Variants in ATG10 observed in about 807,000 individuals in gnomAD.
The protein encoded by ATG10 is autophagy related 10, also known as ubiquitin-like-conjugating enzyme ATG10.
Under a neutral mutation model 32.1 loss-of-function variants are expected in ATG10, and 30 were observed. The ratio of observed to expected loss-of-function variants is 0.94; its 90% CI spans 0.70 to 1.27. The LOEUF (loss-of-function observed/expected upper bound fraction) is 1.27, where lower values mean the gene tolerates loss of function less well. ATG10 is among the 50% of genes most tolerant of loss of function. ATG10 has a pLI of 0.00. For synonymous variants in ATG10, 87 were observed against 91.5 expected (o/e 0.95, Z 0.28); for missense variants, 233 against 262.3 (o/e 0.89, Z 0.77).
At chr5:82,043,459 A>G (rs1763145933) in intron 2 of ATG10, among the ~76,000 whole-genome samples, 2 of 152,222 alleles carry the variant, frequency 1.3e-5, no homozygotes, top group South Asian at 4.1e-4. Context: ...GGTTATTAAC[A>G]TTCAGCTTCT....
At chr5:82,193,747 A>G (rs1387137247) in intron 5 of ATG10, among the ~76,000 whole-genome samples, 1 of 152,272 alleles carries the variant, frequency 6.6e-6, no homozygotes, top group Admixed American at 6.5e-5. Context: ...ATTGGTAGAA[A>G]TAAACAGCAA....
chr5:82,205,008 A>C (rs556688801), intron 5 of ATG10, among the ~76,000 whole-genome samples: 1 of 152,370 alleles, frequency 6.6e-6, no homozygotes, highest in South Asian at 2.1e-4. Flanking sequence ...CATTTAAAAG[A>C]ACAGAAGACT....
chr5:81,973,904 T>C (rs1368932463), intron 1 of ATG10, among the ~76,000 whole-genome samples: 4 of 152,222 alleles, frequency 2.6e-5, no homozygotes, highest in Admixed American at 2.6e-4. Context: ...CATTTGAATG[T>C]GGAGTGTTAA....
intron 3 of ATG10, among the ~76,000 whole-genome samples, chr5:82,137,041 C>A (rs1766787234): frequency 6.6e-6 from 1 of 152,056 alleles, no homozygotes; most frequent in South Asian, 2.1e-4. Context: ...AGTTCTCATG[C>A]TGTGTTTTTC....
intron 5 of ATG10, among the ~76,000 whole-genome samples, chr5:82,241,209 C>T (rs1206968574): frequency 6.6e-6 from 1 of 152,188 alleles, no homozygotes; most frequent in Non-Finnish European, 1.5e-5. Context: ...TTTAGCAAAT[C>T]TTGTTGGCTC....
chr5:82,155,360 GTGC>G (rs1767761349), intron 3 of ATG10, among the ~76,000 whole-genome samples: 1 of 152,144 alleles, frequency 6.6e-6, no homozygotes, highest in African/African-American at 2.4e-5. Flanking sequence ...ATTCTGTTTA[GTGC>G]TTGTAAAAAT....
intron 3 of ATG10, among the ~76,000 whole-genome samples, chr5:82,127,454 T>C (rs1485444003): frequency 2.0e-5 from 3 of 152,088 alleles, no homozygotes; most frequent in South Asian, 2.1e-4. Context: ...ACTGCTTTAG[T>C]TGTGTCCCAG....
rs182343513 is a variant in ATG10 at position 82,103,838 on chromosome 5, A to G, written c.216+45236A>G. Among the ~76,000 whole-genome samples, 10 of 152,190 alleles carry G rather than the reference A, an allele frequency of 6.6e-5. No homozygotes were observed. The East Asian group carries it at 1.9e-3, about 29-fold the overall frequency. ...GATGAAGAAACAGGACTTTACCAGC[A>G]CTCAGGACTCTCTCTTGACATTTTC... On this transcript the variant is annotated intron_variant, in intron 3 of 7. Transcript: ENST00000282185.
rs1747442907 is a variant in ATG10, at chr5:82,255,883, A to G, written c.*1820A>G. On this transcript the variant is annotated 3_prime_UTR_variant, in exon 8 of 8. Transcript: ENST00000282185. The stretch of plus-strand genomic sequence containing the variant: ...GAACTCTCACAGAGAAAGTGGAAGT[A>G]GAGAAAGGGTTAATTCAAACTGCTA... 6.6e-6 allele frequency: 1 copy of G among 152,256 alleles called. No homozygotes were observed. The highest frequency in any genetic ancestry group is 2.4e-5 in the African/African-American group (1 of 41,466). The allele number at this position is 152,256 out of a possible 1,614,324, so 9.4% of individuals were successfully genotyped here.
At chr5:82,163,094 A>G (rs1743431109) in intron 3 of ATG10, among the ~76,000 whole-genome samples, 1 of 152,196 alleles carries the variant, frequency 6.6e-6, no homozygotes, top group African/African-American at 2.4e-5. Context: ...CCAATTATTG[A>G]CCAAAAAGAA....
chr5:82,045,989 C>G (rs1313294803), intron 2 of ATG10, among the ~76,000 whole-genome samples: 1 of 152,126 alleles, frequency 6.6e-6, no homozygotes, highest in African/African-American at 2.4e-5. Flanking sequence ...TGTTAGTACC[C>G]TCTGCCTCAT....
chr5:82,034,385 G>A (rs968168448), intron 2 of ATG10, among the ~76,000 whole-genome samples: 2 of 152,000 alleles, frequency 1.3e-5, no homozygotes, highest in Admixed American at 6.5e-5. Context: ...ATTCATACTC[G>A]ACCACTTTTA....
intron 5 of ATG10, among the ~76,000 whole-genome samples, chr5:82,233,251 C>G (rs1429567057): frequency 6.6e-6 from 1 of 152,092 alleles, no homozygotes; most frequent in African/African-American, 2.4e-5. Flanking sequence ...TATGTTATAC[C>G]TGACTGAACC....
chr5:82,208,762 T>C (rs1581804956), intron 5 of ATG10, among the ~76,000 whole-genome samples: 1 of 152,376 alleles, frequency 6.6e-6, no homozygotes, highest in African/African-American at 2.4e-5. Context: ...TTTATTGGCA[T>C]CTTTTGAGAT....
At chr5:82,055,662 T>A (rs950968039) in intron 2 of ATG10, among the ~76,000 whole-genome samples, 4 of 152,146 alleles carry the variant, frequency 2.6e-5, no homozygotes, top group Admixed American at 2.6e-4. Flanking sequence ...AGTTTTGGTT[T>A]TTATCTCTAT....
chr5:82,195,654 A>G (rs1409790227), intron 5 of ATG10, among the ~76,000 whole-genome samples: 1 of 152,158 alleles, frequency 6.6e-6, no homozygotes, highest in Non-Finnish European at 1.5e-5. Context: ...TTTTGCTTAT[A>G]GCTTCTTTCA....
At chr5:82,083,521 C>T (rs1245588238) in intron 3 of ATG10, among the ~76,000 whole-genome samples, 1 of 152,194 alleles carries the variant, frequency 6.6e-6, no homozygotes, top group Non-Finnish European at 1.5e-5. Context: ...TGAGAACGGA[C>T]AGACTGCCTC....
At chr5:82,187,150 A>C (rs1744478152) in intron 5 of ATG10, among the ~76,000 whole-genome samples, 1 of 151,780 alleles carries the variant, frequency 6.6e-6, no homozygotes, top group African/African-American at 2.4e-5. Flanking sequence ...TCTTAAAAAA[A>C]AATGGTTATT....
chr5:81,993,395 T>TCC (rs1761555143), intron 2 of ATG10, among the ~76,000 whole-genome samples: 2 of 126,614 alleles, frequency 1.6e-5, no homozygotes, highest in African/African-American at 6.8e-5. Context: ...TTTCTTTTTT[T>TCC]TTCTTTTCTT....
Sources: allele counts gnomAD v4.1 joint callset (sites outside exome capture counted in the v4.1 genomes callset), GRCh38; gene constraint gnomAD v4.1.1; transcripts MANE v1.5; gene names NCBI Gene and HGNC (gene_info 2026-07-23, HGNC 2026-07-21).